The following ROBO1 variants were observed in gnomAD, a reference collection of about 807,000 sequenced individuals.
ROBO1 encodes roundabout guidance receptor 1.
Under a neutral mutation model 195.9 loss-of-function variants are expected in ROBO1, and 149 were observed. The observed-to-expected ratio is 0.76, with a 90% confidence interval of 0.67 to 0.87. The LOEUF (loss-of-function observed/expected upper bound fraction) is 0.87, where lower values mean the gene tolerates loss of function less well. Ranked by LOEUF, ROBO1 falls within the 40% of genes least tolerant of loss-of-function variation. The probability of loss-of-function intolerance (pLI) is 0.00; values close to 1 mark genes in which losing one functional copy is unlikely to be tolerated. For synonymous variants in ROBO1, 816 were observed against 733.2 expected (o/e 1.11, Z -1.82); for missense variants, 1,933 against 2,068.3 (o/e 0.93, Z 1.27).
chr3:79,448,399 C>A (rs1020967904), intron 2 of ROBO1, among the ~76,000 whole-genome samples: 3 of 152,110 alleles, frequency 2.0e-5, no homozygotes, highest in African/African-American at 7.2e-5. Context: ...TAAACTCAGT[C>A]TTTTTGGTAA....
At chr3:79,544,721 TA>T (rs142793081) in intron 2 of ROBO1, among the ~76,000 whole-genome samples, 12,371 of 151,960 alleles carry the variant, frequency 0.081, 667 homozygotes, top group East Asian at 0.17. Flanking sequence ...ATTTAAACAT[TA>T]AAAAAGTCTT....
At chr3:79,018,309 G>A in intron 3 of ROBO1, 4 of 1,396,544 alleles carry the variant, frequency 2.9e-6, no homozygotes, top group Non-Finnish European at 4.0e-6. Context: ...GCCTTAGGAG[G>A]GAGGGGTAAC....
intron 1 of ROBO1, among the ~76,000 whole-genome samples, chr3:79,725,300 C>A (rs1037346422): frequency 4.8e-5 from 7 of 145,752 alleles, no homozygotes; most frequent in African/African-American, 1.8e-4. Flanking sequence ...GATCTCGGCT[C>A]ACTGCAAGCT....
intron 2 of ROBO1, among the ~76,000 whole-genome samples, chr3:79,202,882 G>T (rs1312963857): frequency 6.6e-6 from 1 of 152,046 alleles, no homozygotes; most frequent in Non-Finnish European, 1.5e-5. Flanking sequence ...TGTGCTTAAT[G>T]GTAGCGTCAA....
chr3:79,042,245 T>C (rs551513044), intron 3 of ROBO1, among the ~76,000 whole-genome samples: 51 of 152,296 alleles, frequency 3.3e-4, no homozygotes, highest in African/African-American at 1.2e-3. Context: ...TTCTGGGTAC[T>C]AGTCTACACA....
intron 1 of ROBO1, among the ~76,000 whole-genome samples, chr3:79,746,512 C>A (rs767957055): frequency 1.3e-5 from 2 of 151,976 alleles, no homozygotes; most frequent in Non-Finnish European, 2.9e-5. Context: ...ATTTTCAAAA[C>A]AAAAGTAATT....
intron 2 of ROBO1, among the ~76,000 whole-genome samples, chr3:79,240,363 G>A (rs775823593): frequency 2.2e-4 from 34 of 152,042 alleles, no homozygotes; most frequent in Admixed American, 9.8e-4. Flanking sequence ...TTTTGAAGAA[G>A]AAAATGGATA....
chr3:79,484,316 C>T (rs1172751145), intron 2 of ROBO1, among the ~76,000 whole-genome samples: 1 of 152,086 alleles, frequency 6.6e-6, no homozygotes, highest in East Asian at 1.9e-4. Context: ...GTCAGCACTT[C>T]CGTGAAGCCA....
intron 1 of ROBO1, among the ~76,000 whole-genome samples, chr3:79,636,175 G>C (rs1945490192): frequency 6.6e-6 from 1 of 152,154 alleles, no homozygotes; most frequent in Admixed American, 6.6e-5. Flanking sequence ...ATAATTTCCA[G>C]ATATTGTACT....
At chr3:78,680,171 A>C (rs1198028998) in intron 10 of ROBO1, among the ~76,000 whole-genome samples, 1 of 152,224 alleles carries the variant, frequency 6.6e-6, no homozygotes, top group African/African-American at 2.4e-5. Flanking sequence ...CACCTTATAC[A>C]AAAATTAATC....
intron 3 of ROBO1, among the ~76,000 whole-genome samples, chr3:79,064,927 AC>A (rs1482334198): frequency 6.6e-6 from 1 of 152,030 alleles, no homozygotes; most frequent in Non-Finnish European, 1.5e-5. Flanking sequence ...ACTGAAAAGT[AC>A]TACAGGTAAA....
At chr3:79,384,361 T>G (rs2036666504) in intron 2 of ROBO1, among the ~76,000 whole-genome samples, 1 of 151,926 alleles carries the variant, frequency 6.6e-6, no homozygotes, top group African/African-American at 2.4e-5. Context: ...TTGTCTTAAA[T>G]TACATAGTAA....
chr3:78,870,320 G>T (rs1261139125), intron 4 of ROBO1, among the ~76,000 whole-genome samples: 3 of 152,124 alleles, frequency 2.0e-5, no homozygotes, highest in African/African-American at 7.2e-5. Context: ...TGATATTAGG[G>T]TTTGTTCTGA....
At chr3:79,196,421 G>C (rs138841446) in intron 2 of ROBO1, among the ~76,000 whole-genome samples, 10 of 151,086 alleles carry the variant, frequency 6.6e-5, no homozygotes, top group Non-Finnish European at 1.2e-4. Flanking sequence ...AAGAAAGAGA[G>C]AGAAAATAAA....
intron 2 of ROBO1, among the ~76,000 whole-genome samples, chr3:79,456,374 A>G (rs1420916737): frequency 2.6e-5 from 4 of 152,176 alleles, no homozygotes; most frequent in Non-Finnish European, 5.9e-5. Context: ...CTGAGAATCA[A>G]GAAAGTCACA....
At chr3:79,033,040 A>T (rs1189168438) in intron 3 of ROBO1, among the ~76,000 whole-genome samples, 3 of 152,088 alleles carry the variant, frequency 2.0e-5, no homozygotes, top group Admixed American at 1.3e-4. Context: ...TAAAACATGA[A>T]TTTTAAAAAA....
intron 2 of ROBO1, among the ~76,000 whole-genome samples, chr3:79,582,254 A>G (rs974668086): frequency 6.6e-6 from 1 of 151,806 alleles, no homozygotes; most frequent in African/African-American, 2.4e-5. Context: ...TCCTATTCAA[A>G]TGTTGCCATA....
intron 2 of ROBO1, among the ~76,000 whole-genome samples, chr3:79,198,272 C>T (rs935283327): frequency 3.3e-5 from 5 of 152,162 alleles, no homozygotes; most frequent in Admixed American, 1.3e-4. Context: ...CTAGTTTTCC[C>T]AGCACCATTT....
At position 78,963,835 on chromosome 3, in the gene ROBO1, A is replaced by C. The variant is rs117331311; in HGVS notation, c.173-24908T>G. Among the ~76,000 whole-genome samples, 210 of 152,244 alleles carry C rather than the reference A, an allele frequency of 1.4e-3. 2 individuals are homozygous for C. The East Asian group carries it at 0.031, about 23-fold the overall frequency. Reference sequence around the variant, plus strand: ...CCCCTCCCCTTCAGATTCTTTAAGAAGGTCATGAATATACAACAAATTTTA... The same window carrying C: ...CCCCTCCCCTTCAGATTCTTTAAGACGGTCATGAATATACAACAAATTTTA... On this transcript the variant is annotated intron_variant, in intron 3 of 30. Coordinates refer to ENST00000464233, the MANE Select transcript of ROBO1 (RefSeq NM_002941.4).
Sources: gnomAD v4.1 joint callset for allele counts (sites outside exome capture counted in the v4.1 genomes callset) on GRCh38, gnomAD v4.1.1 for gene constraint, MANE v1.5 for transcripts, NCBI Gene and HGNC (gene_info 2026-07-23, HGNC 2026-07-21) for gene names.